The following OPCML variants were observed in gnomAD, a reference collection of about 807,000 sequenced individuals.
The protein encoded by OPCML is opioid binding protein/cell adhesion molecule like.
Under a neutral mutation model 37.8 loss-of-function variants are expected in OPCML, and 13 were observed. That is an observed-to-expected ratio of 0.34 (90% CI 0.22 to 0.55). The LOEUF (loss-of-function observed/expected upper bound fraction) is 0.55, where lower values mean the gene tolerates loss of function less well. Among genes scored for constraint, OPCML ranks in the 20% least tolerant of loss-of-function variants. OPCML has a pLI of 0.91. For missense variants in OPCML, 341 were observed against 435.6 expected (o/e 0.78, Z 1.93); for synonymous variants, 176 against 168.8 (o/e 1.04, Z -0.33).
intron 7 of OPCML, among the ~76,000 whole-genome samples, chr11:132,429,548 G>A (rs1056850057): frequency 5.3e-5 from 8 of 152,164 alleles, no homozygotes; most frequent in African/African-American, 1.7e-4. Context: ...TGCCCCGAGC[G>A]TTCCCAGCGG....
chr11:132,601,654 A>G (rs1937914217), intron 3 of OPCML, among the ~76,000 whole-genome samples: 1 of 152,216 alleles, frequency 6.6e-6, no homozygotes, highest in African/African-American at 2.4e-5. Flanking sequence ...GGTTTAGTTC[A>G]GATCCATGAG....
chr11:132,750,866 C>T (rs1342524420), intron 2 of OPCML, among the ~76,000 whole-genome samples: 1 of 151,822 alleles, frequency 6.6e-6, no homozygotes, highest in Non-Finnish European at 1.5e-5. Flanking sequence ...TGGCATTTAC[C>T]CCACCCTTCC....
intron 3 of OPCML, 139 bp from the exon 4 acceptor site, chr11:132,529,325 G>A: frequency 9.4e-7 from 1 of 1,064,704 alleles, no homozygotes; most frequent in Middle Eastern, 3.2e-4. Flanking sequence ...TGCTTGATTT[G>A]CCAAGGATAT....
intron 1 of OPCML, chr11:133,004,953 C>G: frequency 1.0e-6 from 1 of 985,430 alleles, no homozygotes; most frequent in South Asian, 4.7e-5. Flanking sequence ...CTGCACCGAG[C>G]TAGTCTACAT....
chr11:132,581,087 G>A (rs916357918), intron 3 of OPCML, among the ~76,000 whole-genome samples: 4 of 152,144 alleles, frequency 2.6e-5, no homozygotes, highest in Non-Finnish European at 5.9e-5. Context: ...GGTCTTTAAT[G>A]TGATAGAATT....
At chr11:133,488,956 G>T (rs1310497970) in intron 1 of OPCML, among the ~76,000 whole-genome samples, 2 of 129,770 alleles carry the variant, frequency 1.5e-5, no homozygotes, top group Non-Finnish European at 3.1e-5. Flanking sequence ...TTTTTGACAG[G>T]ATCAACAAAA....
At chr11:133,272,354 A>G (rs1941868141) in intron 1 of OPCML, among the ~76,000 whole-genome samples, 1 of 152,128 alleles carries the variant, frequency 6.6e-6, no homozygotes, top group Admixed American at 6.5e-5. Context: ...GCAGTTATTT[A>G]TTATCAGACA....
At chr11:133,141,670 C>T (rs1485936806) in intron 1 of OPCML, among the ~76,000 whole-genome samples, 2 of 152,144 alleles carry the variant, frequency 1.3e-5, no homozygotes, top group Non-Finnish European at 2.9e-5. Flanking sequence ...GCTTTCTCTC[C>T]AGGGACAGCA....
intron 1 of OPCML, among the ~76,000 whole-genome samples, chr11:133,040,766 A>G (rs1315491288): frequency 1.3e-5 from 2 of 152,118 alleles, no homozygotes; most frequent in Non-Finnish European, 2.9e-5. Context: ...GTGGGAGCTC[A>G]GTAAGTGCTC....
intron 1 of OPCML, among the ~76,000 whole-genome samples, chr11:133,238,500 G>A (rs907871243): frequency 3.3e-5 from 5 of 151,924 alleles, no homozygotes; most frequent in Non-Finnish European, 5.9e-5. Flanking sequence ...TTTTTAAAAC[G>A]TGATTCTAGG....
rs1046175036 is a variant in OPCML, at chr11:133,205,684, A to T, written c.62-262674T>A. Among the ~76,000 whole-genome samples the T allele has an allele frequency of 6.6e-6, 1 of 152,250 alleles. No homozygotes were observed. The highest frequency in any genetic ancestry group is 2.1e-4 in the South Asian group (1 of 4,832). ...TCAGAAGTGTTGCGTTGCGTGAGAC[A>T]AGAGAGTAGGAAAAACATTTAGTAT... On this transcript the variant is annotated intron_variant, in intron 1 of 7. Transcript: ENST00000524381. The surrounding 1 kb of genome is among the most constrained non-coding windows in gnomAD (Gnocchi z 4.8).
intron 1 of OPCML, among the ~76,000 whole-genome samples, chr11:133,347,262 G>T (rs1208795225): frequency 6.6e-6 from 1 of 152,178 alleles, no homozygotes; most frequent in Non-Finnish European, 1.5e-5. Flanking sequence ...GTGTCTTCAT[G>T]ATGACTCTCC....
chr11:133,309,588 G>T (rs547995457), intron 1 of OPCML, among the ~76,000 whole-genome samples: 1 of 152,308 alleles, frequency 6.6e-6, no homozygotes, highest in East Asian at 1.9e-4. Context: ...TGGGAAAATG[G>T]TTAACATTCT....
chr11:132,818,865 C>G (rs1939801641), intron 2 of OPCML, among the ~76,000 whole-genome samples: 1 of 149,730 alleles, frequency 6.7e-6, no homozygotes, highest in Non-Finnish European at 1.5e-5. Flanking sequence ...CAAAATGGCA[C>G]ATGTATACAT....
At chr11:132,978,611 C>T (rs2136780401) in intron 1 of OPCML, among the ~76,000 whole-genome samples, 1 of 152,296 alleles carries the variant, frequency 6.6e-6, no homozygotes, top group Non-Finnish European at 1.5e-5. Flanking sequence ...TTCTAGGATT[C>T]AGATGGCAAG....
rs1230138667 is a variant in OPCML, at chr11:132,899,776, C to T, written c.146+43150G>A. Among the ~76,000 whole-genome samples the T allele has an allele frequency of 3.3e-5, 5 of 152,002 alleles. No homozygotes were observed. In the East Asian group the frequency reaches 7.7e-4, roughly 23 times the overall value. On this transcript the variant is annotated intron_variant, in intron 2 of 7. Transcript: ENST00000524381. ...GCCCTCACTGTATGTGGGCACCATC[C>T]CATAGGCTGGGACCTAGACAGAACA... is the stretch of plus-strand genomic sequence containing the variant.
intron 3 of OPCML, among the ~76,000 whole-genome samples, chr11:132,617,005 C>A: frequency 6.6e-6 from 1 of 152,098 alleles, no homozygotes; most frequent in South Asian, 2.1e-4. Context: ...AGACAGTAGC[C>A]ATATTTATGA....
intron 3 of OPCML, among the ~76,000 whole-genome samples, chr11:132,641,043 C>T (rs1591659594): frequency 6.6e-6 from 1 of 152,134 alleles, no homozygotes; most frequent in African/African-American, 2.4e-5. Flanking sequence ...TCCCTCTAAG[C>T]AGGTGGCATG....
intron 1 of OPCML, chr11:133,003,676 C>A (rs1947053908): frequency 1.0e-6 from 1 of 985,338 alleles, no homozygotes; most frequent in South Asian, 4.7e-5. Flanking sequence ...AAACAAAATA[C>A]CCAGCATTCT....
Sources: gnomAD v4.1 joint callset for allele counts (sites outside exome capture counted in the v4.1 genomes callset) on GRCh38, gnomAD v4.1.1 for gene constraint, Gnocchi (gnomAD v3.1) non-coding constraint, MANE v1.5 for transcripts, NCBI Gene and HGNC (gene_info 2026-07-23, HGNC 2026-07-21) for gene names.